The following CNTN5 variants were observed in gnomAD, a reference collection of about 807,000 sequenced individuals.
The protein encoded by CNTN5 is contactin-5.
Under a neutral mutation model 129.1 loss-of-function variants are expected in CNTN5, and 77 were observed. That is an observed-to-expected ratio of 0.60 (90% CI 0.50 to 0.72). CNTN5 has a LOEUF of 0.72. Among genes scored for constraint, CNTN5 ranks in the 30% least tolerant of loss-of-function variants. The pLI is 0.00. For missense variants in CNTN5, 1,478 were observed against 1,328.8 expected, an observed-to-expected ratio of 1.11 and a Z score of -1.75; for synonymous variants, 509 against 465.6, an observed-to-expected ratio of 1.09 and a Z score of -1.20.
intron 6 of CNTN5, among the ~76,000 whole-genome samples, chr11:99,900,847 C>T (rs1949337559): frequency 6.6e-6 from 1 of 151,802 alleles, no homozygotes; most frequent in African/African-American, 2.4e-5. Context: ...TTATTTACAT[C>T]TTAATACTCC....
chr11:99,517,955 TA>T (rs1398027855), intron 2 of CNTN5, among the ~76,000 whole-genome samples: 4 of 152,066 alleles, frequency 2.6e-5, no homozygotes, highest in African/African-American at 9.7e-5. Flanking sequence ...ATTTTGTTTG[TA>T]AAGGAATGAT....
chr11:99,173,355 C>T (rs1857620895), intron 1 of CNTN5, among the ~76,000 whole-genome samples: 1 of 152,072 alleles, frequency 6.6e-6, no homozygotes, highest in Non-Finnish European at 1.5e-5. Flanking sequence ...AAAATGCTAG[C>T]TAGAACCAAG....
intron 1 of CNTN5, among the ~76,000 whole-genome samples, chr11:99,202,683 A>G (rs1045784834): frequency 6.6e-6 from 1 of 151,846 alleles, no homozygotes; most frequent in Non-Finnish European, 1.5e-5. Flanking sequence ...AGTACTTAAG[A>G]AACAATATAG....
intron 4 of CNTN5, among the ~76,000 whole-genome samples, chr11:99,822,492 G>A (rs1249213940): frequency 6.6e-6 from 1 of 152,088 alleles, no homozygotes; most frequent in Non-Finnish European, 1.5e-5. Context: ...TATATAATAT[G>A]ATATCACTTA....
chr11:99,540,861 G>A (rs556595131), intron 2 of CNTN5, among the ~76,000 whole-genome samples: 18 of 152,254 alleles, frequency 1.2e-4, no homozygotes, highest in African/African-American at 3.9e-4. Flanking sequence ...TATTAGATAA[G>A]TCTACGAAGG....
intron 2 of CNTN5, among the ~76,000 whole-genome samples, chr11:99,484,346 T>C (rs1427102157): frequency 3.3e-5 from 5 of 152,082 alleles, no homozygotes; most frequent in Admixed American, 6.6e-5. Flanking sequence ...TCACCCCTAC[T>C]AGAATAGCAT....
intron 16 of CNTN5, among the ~76,000 whole-genome samples, chr11:100,225,880 A>G (rs1268827191): frequency 6.6e-6 from 1 of 152,140 alleles, no homozygotes; most frequent in Non-Finnish European, 1.5e-5. Context: ...AACATAAGGC[A>G]TAGAGTGAGC....
chr11:99,657,725 A>G (rs1030862608), intron 3 of CNTN5, among the ~76,000 whole-genome samples: 2 of 152,148 alleles, frequency 1.3e-5, no homozygotes, highest in East Asian at 3.8e-4. Context: ...GGTAACACAA[A>G]TGAAACATCT....
intron 3 of CNTN5, among the ~76,000 whole-genome samples, chr11:99,632,710 T>C (rs1951406408): frequency 6.6e-6 from 1 of 152,168 alleles, no homozygotes; most frequent in Non-Finnish European, 1.5e-5. Flanking sequence ...CTAAATGGTA[T>C]AGATCCAGTA....
chr11:99,566,424 C>G (rs980084012), intron 3 of CNTN5, among the ~76,000 whole-genome samples: 1 of 152,154 alleles, frequency 6.6e-6, no homozygotes, highest in African/African-American at 2.4e-5. Flanking sequence ...CACGTAAGAA[C>G]GAACTAACAC....
intron 1 of CNTN5, among the ~76,000 whole-genome samples, chr11:99,219,797 A>T (rs1860310155): frequency 6.6e-6 from 1 of 152,022 alleles, no homozygotes; most frequent in Non-Finnish European, 1.5e-5. Flanking sequence ...GATAGAAGCA[A>T]GGAGACCAGT....
At chr11:99,241,318 GTTTTTTTT>G (rs10648459) in intron 1 of CNTN5, among the ~76,000 whole-genome samples, 2 of 88,050 alleles carry the variant, frequency 2.3e-5, no homozygotes, top group Non-Finnish European at 4.2e-5. Context: ...TTGATTGTTG[GTTTTTTTT>G]TTTTTTTTTT....
At chr11:100,029,735 G>A (rs930674602) in intron 9 of CNTN5, among the ~76,000 whole-genome samples, 3 of 152,056 alleles carry the variant, frequency 2.0e-5, no homozygotes, top group African/African-American at 4.8e-5. Flanking sequence ...TGGACTATTC[G>A]TACCCCTAGC....
chr11:99,512,379 C>T (rs7952696), intron 2 of CNTN5, among the ~76,000 whole-genome samples: 8,829 of 152,116 alleles, frequency 0.058, 266 homozygotes, highest in South Asian at 0.08. Flanking sequence ...CACCCAGGTT[C>T]GTTAAAGTAT....
At chr11:99,226,822 A>T (rs191082820) in intron 1 of CNTN5, among the ~76,000 whole-genome samples, 2 of 152,302 alleles carry the variant, frequency 1.3e-5, no homozygotes, top group East Asian at 3.9e-4. Context: ...TTCAATTAAA[A>T]TTCGTACAAA....
intron 8 of CNTN5, among the ~76,000 whole-genome samples, chr11:99,962,764 A>T (rs557513236): frequency 6.6e-6 from 1 of 151,784 alleles, no homozygotes; most frequent in East Asian, 1.9e-4. Context: ...AGTAGTTTAC[A>T]TTCCCACCAA....
chr11:99,385,106 A>G (rs925986567), intron 2 of CNTN5, among the ~76,000 whole-genome samples: 7 of 152,216 alleles, frequency 4.6e-5, no homozygotes, highest in Non-Finnish European at 1.0e-4. Flanking sequence ...GGAAAGTAAG[A>G]GTCTTGAAAA....
At chr11:100,280,324 C>T (rs1429256026) in intron 18 of CNTN5, among the ~76,000 whole-genome samples, 1 of 151,822 alleles carries the variant, frequency 6.6e-6, no homozygotes, top group Non-Finnish European at 1.5e-5. Flanking sequence ...TCTTTCCTTA[C>T]CTCTCATAAT....
chr11:99,218,859 T>C (rs976633524), intron 1 of CNTN5, among the ~76,000 whole-genome samples: 2 of 152,112 alleles, frequency 1.3e-5, no homozygotes, highest in African/African-American at 4.8e-5. Context: ...ATGTAGGAGA[T>C]GTGCATTTCT....
Sources: gnomAD v4.1 joint callset for allele counts (sites outside exome capture counted in the v4.1 genomes callset) on GRCh38, gnomAD v4.1.1 for gene constraint, MANE v1.5 for transcripts, NCBI Gene and HGNC (gene_info 2026-07-23, HGNC 2026-07-21) for gene names.